The following C8orf34 variants were observed in gnomAD, a reference collection of about 807,000 sequenced individuals.
C8orf34 encodes the protein uncharacterized protein C8orf34.
C8orf34 carries 65 observed loss-of-function variants against 68.3 expected under a neutral mutation model. The observed-to-expected ratio is 0.95, with a 90% confidence interval of 0.78 to 1.17. C8orf34 has a LOEUF of 1.17. C8orf34 is among the 50% of genes most tolerant of loss of function. C8orf34 has a pLI of 0.00. For synonymous variants in C8orf34, 244 were observed against 241.2 expected, an observed-to-expected ratio of 1.01 and a Z score of -0.11; for missense variants, 664 against 655.4, an observed-to-expected ratio of 1.01 and a Z score of -0.14.
intron 7 of C8orf34, among the ~76,000 whole-genome samples, chr8:68,606,474 G>A (rs1817857237): frequency 6.6e-6 from 1 of 152,078 alleles, no homozygotes; most frequent in Non-Finnish European, 1.5e-5. Context: ...TGGAATAAAG[G>A]ATATTATAAT....
intron 8 of C8orf34, among the ~76,000 whole-genome samples, chr8:68,708,627 C>T (rs1409706048): frequency 2.0e-5 from 3 of 152,160 alleles, no homozygotes; most frequent in African/African-American, 4.8e-5. Context: ...TTATGACTCC[C>T]AGACCCTGAT....
At chr8:68,721,520 A>G (rs1215799914) in intron 10 of C8orf34, 83 bp downstream of exon 10, 4 of 932,566 alleles carry the variant, frequency 4.3e-6, no homozygotes, top group African/African-American at 3.4e-5. Context: ...AAAATATAAT[A>G]AAGCCAGCTT....
chr8:68,623,633 T>C (rs1455402486), intron 7 of C8orf34, among the ~76,000 whole-genome samples: 1 of 152,108 alleles, frequency 6.6e-6, no homozygotes, highest in African/African-American at 2.4e-5. Context: ...TTCTTACAGT[T>C]GTGGAGGCTG....
intron 13 of C8orf34, among the ~76,000 whole-genome samples, chr8:68,816,427 A>T (rs16935103): frequency 0.33 from 50,311 of 151,882 alleles, 8,626 homozygotes; most frequent in East Asian, 0.44. Context: ...AAAAAATAAA[A>T]CACTTTGTCA....
At chr8:68,331,614 C>G in intron 1 of C8orf34, 1 of 484,590 alleles carries the variant, frequency 2.1e-6, no homozygotes, top group East Asian at 3.9e-5. Flanking sequence ...GGCCCTCTGA[C>G]TGTCCTGCAC....
chr8:68,617,337 G>T (rs186234623), intron 7 of C8orf34, among the ~76,000 whole-genome samples: 1,530 of 152,214 alleles, frequency 0.01, 24 homozygotes, highest in African/African-American at 0.034. Context: ...TATGATGTTA[G>T]CTGTTATTTT....
upstream of C8orf34, chr8:68,330,850 GC>G: frequency 1.8e-6 from 1 of 567,188 alleles, no homozygotes; most frequent in South Asian, 2.7e-5. Context: ...GAGCCCCGCG[GC>G]CCCTGTCCGC....
intron 7 of C8orf34, among the ~76,000 whole-genome samples, chr8:68,608,065 C>CTG (rs1228173591): frequency 1.3e-5 from 2 of 148,648 alleles, no homozygotes; most frequent in East Asian, 2.0e-4. Context: ...TATTCACTCT[C>CTG]ATTCATTCAA....
chr8:68,769,634 A>G (rs1823282526), intron 10 of C8orf34, among the ~76,000 whole-genome samples: 1 of 152,176 alleles, frequency 6.6e-6, no homozygotes, highest in Non-Finnish European at 1.5e-5. Context: ...CACCAGTTTT[A>G]AAAGTGACTT....
intron 4 of C8orf34, among the ~76,000 whole-genome samples, chr8:68,483,354 T>A (rs1812940675): frequency 6.6e-6 from 1 of 152,166 alleles, no homozygotes; most frequent in Non-Finnish European, 1.5e-5. Context: ...GCAAGTTGAA[T>A]TTAGAAAGAA....
intron 11 of C8orf34, among the ~76,000 whole-genome samples, chr8:68,780,742 C>G (rs941986894): frequency 6.6e-6 from 1 of 152,050 alleles, no homozygotes; most frequent in African/African-American, 2.4e-5. Flanking sequence ...CATGGTGAAA[C>G]CCCATCGCTA....
intron 10 of C8orf34, among the ~76,000 whole-genome samples, chr8:68,755,601 AG>A (rs1213591441): frequency 1.3e-5 from 2 of 152,152 alleles, no homozygotes; most frequent in Non-Finnish European, 2.9e-5. Flanking sequence ...TTTTGACACC[AG>A]GTCACATGGT....
At chr8:68,343,804 G>C (rs1201614517) in intron 1 of C8orf34, among the ~76,000 whole-genome samples, 1 of 152,104 alleles carries the variant, frequency 6.6e-6, no homozygotes, top group African/African-American at 2.4e-5. Context: ...ATGTTGGTTA[G>C]GCTAGTCTCG....
intron 1 of C8orf34, among the ~76,000 whole-genome samples, chr8:68,341,396 ATTAAC>A (rs1381169597): frequency 2.6e-5 from 4 of 152,220 alleles, no homozygotes; most frequent in Non-Finnish European, 4.4e-5. Flanking sequence ...TTGTACAAAA[ATTAAC>A]TTAAAGTATA....
chr8:68,526,564 T>G (rs1814997854), intron 6 of C8orf34, among the ~76,000 whole-genome samples: 1 of 152,116 alleles, frequency 6.6e-6, no homozygotes. Flanking sequence ...TATTTATATA[T>G]TCTTAAAAAT....
intron 7 of C8orf34, among the ~76,000 whole-genome samples, chr8:68,592,581 ATCAATTTATCTCTTCTTTTTTTT>A (rs1817423255): frequency 7.1e-6 from 1 of 141,388 alleles, no homozygotes; most frequent in African/African-American, 2.6e-5. Context: ...ACTGCAGTTT[ATCAATTTATCTCTTCTTTTTTTT>A]TTTTTTTTTT....
intron 7 of C8orf34, among the ~76,000 whole-genome samples, chr8:68,615,012 G>A (rs1252183828): frequency 1.3e-5 from 2 of 151,690 alleles, no homozygotes; most frequent in South Asian, 4.1e-4. Flanking sequence ...CACATCCCTT[G>A]AAAGTTGGAT....
intron 7 of C8orf34, among the ~76,000 whole-genome samples, chr8:68,542,817 AG>A (rs1815745811): frequency 6.6e-6 from 1 of 152,162 alleles, no homozygotes; most frequent in African/African-American, 2.4e-5. Context: ...TTTTACAATA[AG>A]GTTTAGATTA....
chr8:68,640,261 G>A (rs973955284), intron 7 of C8orf34, 115 bp from the exon 8 acceptor site: 1 of 873,492 alleles, frequency 1.1e-6, no homozygotes, highest in African/African-American at 1.7e-5. Context: ...TTTTGCAAAG[G>A]GGATATATAT....
Sources: gnomAD v4.1 joint callset for allele counts (sites outside exome capture counted in the v4.1 genomes callset) on GRCh38, gnomAD v4.1.1 for gene constraint, MANE v1.5 for transcripts, NCBI Gene and HGNC (gene_info 2026-07-23, HGNC 2026-07-21) for gene names.